Variants in RAB11FIP4 observed in about 807,000 individuals in gnomAD.
RAB11FIP4 encodes rab11 family-interacting protein 4.
In RAB11FIP4, 23 loss-of-function variants were observed where a neutral mutation model predicts 74.3. The ratio of observed to expected loss-of-function variants is 0.31; its 90% CI spans 0.22 to 0.44. The LOEUF (loss-of-function observed/expected upper bound fraction) is 0.44. Among genes scored for constraint, RAB11FIP4 ranks in the 20% least tolerant of loss-of-function variants. The pLI is 1.00. For synonymous variants in RAB11FIP4, 360 were observed against 359.9 expected (o/e 1.00, Z 0.00); for missense variants, 630 against 863.9 (o/e 0.73, Z 3.39).
intron 1 of RAB11FIP4, among the ~76,000 whole-genome samples, chr17:31,429,828 CAAA>C (rs751342010): frequency 2.5e-5 from 2 of 80,322 alleles, no homozygotes; most frequent in Non-Finnish European, 4.8e-5. Context: ...GATTCCATCT[CAAA>C]AAAAAAAAAA....
chr17:31,393,189 C>T (rs1050757931), intron 1 of RAB11FIP4, among the ~76,000 whole-genome samples: 3 of 152,246 alleles, frequency 2.0e-5, no homozygotes, highest in Admixed American at 2.0e-4. Flanking sequence ...ACTCAGGTAC[C>T]CACCACAGGA....
intron 1 of RAB11FIP4, among the ~76,000 whole-genome samples, chr17:31,404,017 C>T (rs780984462): frequency 6.6e-6 from 1 of 152,134 alleles, no homozygotes; most frequent in Non-Finnish European, 1.5e-5. Flanking sequence ...AGGCTGCCAG[C>T]GAACTGTGCC....
intron 3 of RAB11FIP4, among the ~76,000 whole-genome samples, chr17:31,450,560 G>T (rs186709137): frequency 8.4e-4 from 128 of 151,958 alleles, no homozygotes; most frequent in Admixed American, 3.1e-3. Flanking sequence ...GCCCAGGCTG[G>T]TCTCGATCTC....
rs532478172 is a variant in RAB11FIP4 at position 31,425,084 on chromosome 17, C to A, written c.160-6729C>A. ...GGGCATGGAGTCTGGAACCAGGCCT[C>A]TTGTGTTCAGCCGTCTTCTACGAAC... On this transcript the variant is annotated intron_variant, in intron 1 of 14. Coordinates refer to ENST00000621161, the MANE Select transcript of RAB11FIP4 (RefSeq NM_032932.6). Among the ~76,000 whole-genome samples, 3 of 152,302 alleles carry A rather than the reference C, an allele frequency of 2.0e-5. No homozygotes were observed. In the East Asian group the frequency reaches 5.8e-4, roughly 29 times the overall value.
intron 10 of RAB11FIP4, 75 bp from the exon 11 acceptor site, chr17:31,527,767 C>A: frequency 9.6e-7 from 1 of 1,040,744 alleles, no homozygotes; most frequent in Non-Finnish European, 1.4e-6. Context: ...AGCAGAGAAT[C>A]ACTGCAGACT....
chr17:31,436,103 A>T (rs2071354459), intron 3 of RAB11FIP4, among the ~76,000 whole-genome samples: 1 of 152,150 alleles, frequency 6.6e-6, no homozygotes, highest in Non-Finnish European at 1.5e-5. Context: ...GGCAGCGTGC[A>T]GAGGTGTGCA....
intron 3 of RAB11FIP4, among the ~76,000 whole-genome samples, chr17:31,454,726 A>T (rs1395162475): frequency 1.3e-5 from 2 of 152,194 alleles, no homozygotes; most frequent in Non-Finnish European, 2.9e-5. Context: ...TCTACTAAAA[A>T]TACAAAAATT....
rs368989583 is a variant in RAB11FIP4 at position 31,522,179 on chromosome 17, C to T, written c.893+130C>T. 1.8e-3 allele frequency: 2,468 copies of T among 1,354,140 alleles called. 3 individuals carry two copies. Among genetic ancestry groups the T allele is most frequent in the Middle Eastern group, 3.6e-3 (19 of 5,340 alleles). 83.9% of individuals were successfully genotyped at this position (1,354,140 alleles called of 1,614,324 possible). Reference sequence around the variant, plus strand: ...TGAGAGCTCTCAGAGGAGGGTTGATCCAGGGGCTTTTTCTGCCACAGGAAA... The same window carrying T: ...TGAGAGCTCTCAGAGGAGGGTTGATTCAGGGGCTTTTTCTGCCACAGGAAA... On this transcript the variant is annotated intron_variant, in intron 6 of 14. Transcript: ENST00000621161.
At chr17:31,397,525 A>T (rs1020481171) in intron 1 of RAB11FIP4, among the ~76,000 whole-genome samples, 2 of 152,242 alleles carry the variant, frequency 1.3e-5, no homozygotes, top group African/African-American at 4.8e-5. Context: ...CAAGGCTGGC[A>T]CATCAGAAGG....
chr17:31,487,953 G>C, intron 3 of RAB11FIP4: 1 of 765,696 alleles, frequency 1.3e-6, no homozygotes, highest in Non-Finnish European at 1.6e-6. Context: ...CCGCGTCCCT[G>C]TCCTCCGCCC....
At chr17:31,504,449 G>A (rs1168531604) in intron 3 of RAB11FIP4, among the ~76,000 whole-genome samples, 2 of 151,846 alleles carry the variant, frequency 1.3e-5, no homozygotes, top group Non-Finnish European at 2.9e-5. Flanking sequence ...TGTATTTTTG[G>A]TAGAGACAGG....
intron 3 of RAB11FIP4, among the ~76,000 whole-genome samples, chr17:31,493,488 G>T (rs1445510221): frequency 6.6e-6 from 1 of 152,016 alleles, no homozygotes; most frequent in Non-Finnish European, 1.5e-5. Flanking sequence ...TGGGGTAAGG[G>T]AGCTGAGGGG....
At chr17:31,522,173 G>A (rs976759252) in intron 6 of RAB11FIP4, 124 bp downstream of exon 6, 1 of 1,377,072 alleles carries the variant, frequency 7.3e-7, no homozygotes, top group Non-Finnish European at 1.0e-6. Flanking sequence ...TCAGAGGAGG[G>A]TTGATCCAGG....
chr17:31,450,794 A>C, intron 3 of RAB11FIP4, among the ~76,000 whole-genome samples: 1 of 148,706 alleles, frequency 6.7e-6, no homozygotes, highest in Admixed American at 6.7e-5. Flanking sequence ...TCTTCTGTCA[A>C]ACCTGTGGCG....
Position 31,496,910 on chromosome 17 carries a change from A to G in RAB11FIP4, c.337-20741A>G, listed in dbSNP as rs1180073220. Among the ~76,000 whole-genome samples, 5 of 152,206 alleles carry G rather than the reference A, an allele frequency of 3.3e-5. No individual in the cohort carries two copies. In the East Asian group the frequency reaches 9.6e-4, roughly 29 times the overall value. ...TCTCTGTACCCTCCTTGCTGCGTTA[A>G]AATCAGACCTGGTTCAAATCCCAGC... On this transcript the variant is annotated intron_variant, in intron 3 of 14. Transcript: ENST00000621161.
chr17:31,530,719 C>T (rs1036317316), intron 14 of RAB11FIP4, among the ~76,000 whole-genome samples: 2 of 152,136 alleles, frequency 1.3e-5, no homozygotes, highest in Admixed American at 6.5e-5. Context: ...AGTCTTAGGT[C>T]GGCCAGAAAA....
intron 3 of RAB11FIP4, among the ~76,000 whole-genome samples, chr17:31,463,831 T>TTTTTTTTA (rs2071656861): frequency 2.3e-5 from 3 of 129,598 alleles, no homozygotes; most frequent in African/African-American, 6.2e-5. Context: ...TTTTTTTTTT[T>TTTTTTTTA]GAGACAGAGT....
intron 1 of RAB11FIP4, among the ~76,000 whole-genome samples, chr17:31,423,714 T>A (rs992805448): frequency 9.2e-5 from 14 of 152,078 alleles, no homozygotes; most frequent in African/African-American, 3.1e-4. Context: ...GTTCTCAGAG[T>A]CTTTGGTAGG....
intron 1 of RAB11FIP4, among the ~76,000 whole-genome samples, chr17:31,394,518 T>C (rs1165083787): frequency 6.6e-6 from 1 of 152,202 alleles, no homozygotes; most frequent in Non-Finnish European, 1.5e-5. Flanking sequence ...TTTTCTTTTC[T>C]TTTTTCTTTT....
Sources: allele counts gnomAD v4.1 joint callset (sites outside exome capture counted in the v4.1 genomes callset), GRCh38; gene constraint gnomAD v4.1.1; transcripts MANE v1.5; gene names NCBI Gene and HGNC (gene_info 2026-07-23, HGNC 2026-07-21).